The following ZFHX3 variants were observed in gnomAD, a reference collection of about 807,000 sequenced individuals.
ZFHX3 encodes the protein zinc finger homeobox 3, also known as zinc finger homeobox protein 3.
ZFHX3 carries 42 observed loss-of-function variants against 279.1 expected under a neutral mutation model. That is an observed-to-expected ratio of 0.15 (90% CI 0.12 to 0.19). ZFHX3 has a LOEUF of 0.19. ZFHX3 is among the 10% of genes least tolerant of loss of function. ZFHX3 has a pLI of 1.00. For synonymous variants in ZFHX3, 2,293 were observed against 1,957.8 expected, an observed-to-expected ratio of 1.17 and a Z score of -4.52; for missense variants, 4,981 against 4,754.0, an observed-to-expected ratio of 1.05 and a Z score of -1.40.
intron 1 of ZFHX3, among the ~76,000 whole-genome samples, chr16:73,787,538 C>T (rs1959683991): frequency 6.6e-6 from 1 of 152,142 alleles, no homozygotes; most frequent in South Asian, 2.1e-4. Context: ...CCACCATTAA[C>T]AATTTGGGTG....
chr16:73,696,399 A>G (rs1173069043), intron 1 of ZFHX3, among the ~76,000 whole-genome samples: 1 of 152,226 alleles, frequency 6.6e-6, no homozygotes, highest in Non-Finnish European at 1.5e-5. Context: ...CTCATCCTGA[A>G]GCTGGCACTG....
At chr16:73,758,458 G>A (rs536724532) in intron 1 of ZFHX3, among the ~76,000 whole-genome samples, 32 of 152,154 alleles carry the variant, frequency 2.1e-4, no homozygotes, top group Non-Finnish European at 4.4e-4. Flanking sequence ...GGCTTTAATT[G>A]TTTAGTCATT....
chr16:73,237,176 GTGCCATTTTAGTAT>G (rs2012976186), intron 5 of ZFHX3, among the ~76,000 whole-genome samples: 1 of 152,258 alleles, frequency 6.6e-6, no homozygotes, highest in African/African-American at 2.4e-5. Flanking sequence ...TCTTAATCTG[GTGCCATTTTAGTAT>G]TTTTCATAGG....
intron 2 of ZFHX3, among the ~76,000 whole-genome samples, chr16:73,655,207 C>T (rs2052711389): frequency 6.6e-6 from 1 of 152,124 alleles, no homozygotes; most frequent in Non-Finnish European, 1.5e-5. Flanking sequence ...CCTCATTTCG[C>T]ATCTTTGAGA....
At chr16:72,847,358 C>T (rs2037506442) in intron 4 of ZFHX3, among the ~76,000 whole-genome samples, 1 of 152,146 alleles carries the variant, frequency 6.6e-6, no homozygotes, top group South Asian at 2.1e-4. Flanking sequence ...CTGGTGCCAC[C>T]ACCCTGCAGT....
chr16:73,321,403 T>C (rs1304412573), intron 3 of ZFHX3, among the ~76,000 whole-genome samples: 1 of 152,152 alleles, frequency 6.6e-6, no homozygotes, highest in Non-Finnish European at 1.5e-5. Flanking sequence ...CCTCAGGTTG[T>C]TGGGAGATTT....
chr16:73,578,285 C>T (rs2051821642), intron 2 of ZFHX3, among the ~76,000 whole-genome samples: 1 of 150,958 alleles, frequency 6.6e-6, no homozygotes, highest in East Asian at 2.0e-4. Context: ...ATTTAAAAGA[C>T]TTATGGAATC....
chr16:73,473,308 G>A (rs2143607592), intron 2 of ZFHX3, among the ~76,000 whole-genome samples: 1 of 127,010 alleles, frequency 7.9e-6, no homozygotes, highest in Non-Finnish European at 1.6e-5. Flanking sequence ...TGGCACTCCA[G>A]CCCTGGAGAC....
intron 8 of ZFHX3, among the ~76,000 whole-genome samples, chr16:73,089,228 C>G (rs773350441): frequency 6.6e-6 from 1 of 152,048 alleles, no homozygotes; most frequent in Non-Finnish European, 1.5e-5. Flanking sequence ...TTCAGCCTCC[C>G]GAGTAGCTGG....
At chr16:73,362,289 T>C (rs922960958) in intron 3 of ZFHX3, among the ~76,000 whole-genome samples, 1 of 152,106 alleles carries the variant, frequency 6.6e-6, no homozygotes, top group African/African-American at 2.4e-5. Context: ...GCTTCCAGAG[T>C]TCCCCCCATT....
intron 4 of ZFHX3, among the ~76,000 whole-genome samples, chr16:73,271,802 C>T (rs35087835): frequency 0.18 from 26,672 of 152,102 alleles, 5,143 homozygotes; most frequent in African/African-American, 0.48. Flanking sequence ...AACTGCCTTC[C>T]TTCTCTGACA....
At chr16:72,833,894 C>T (rs921368609) in intron 4 of ZFHX3, among the ~76,000 whole-genome samples, 3 of 152,126 alleles carry the variant, frequency 2.0e-5, no homozygotes, top group Admixed American at 6.5e-5. Context: ...ACTGCAGTGT[C>T]TTCCTAGGGT....
At chr16:73,480,539 G>C (rs1356852043) in intron 2 of ZFHX3, among the ~76,000 whole-genome samples, 1 of 152,154 alleles carries the variant, frequency 6.6e-6, no homozygotes, top group Non-Finnish European at 1.5e-5. Flanking sequence ...TTCTCCCCAG[G>C]TGTGGGGATG....
chr16:73,416,830 C>T lies in ZFHX3; in HGVS notation c.-1291+39173G>A, dbSNP rs574718042. 8.0e-5 allele frequency among the ~76,000 whole-genome samples: 12 copies of T among 150,798 alleles called. 1 individual carries two copies. Among genetic ancestry groups the T allele is most frequent in the South Asian group, 2.1e-4 (1 of 4,744 alleles). Reference sequence around the variant, plus strand: ...CGGAGCCTGCAGTGAGCCGAGATCGCGCCACTGCACTCCAGCCTGGGCGAC... The same window carrying T: ...CGGAGCCTGCAGTGAGCCGAGATCGTGCCACTGCACTCCAGCCTGGGCGAC... On this transcript the variant is annotated intron_variant, in intron 3 of 17. Transcript: ENST00000641206.
At chr16:73,803,983 C>A (rs899645977) in intron 1 of ZFHX3, among the ~76,000 whole-genome samples, 2 of 152,000 alleles carry the variant, frequency 1.3e-5, no homozygotes, top group African/African-American at 4.8e-5. Context: ...ATGGCAAAAC[C>A]GCGTCTCTAC....
chr16:73,153,761 T>G (rs866055209), intron 5 of ZFHX3, among the ~76,000 whole-genome samples: 31 of 152,142 alleles, frequency 2.0e-4, no homozygotes, highest in African/African-American at 6.5e-4. Context: ...GCAGTTCTCC[T>G]GCCTCAGCCT....
intron 5 of ZFHX3, among the ~76,000 whole-genome samples, chr16:73,147,823 G>T (rs886763786): frequency 9.9e-5 from 15 of 151,890 alleles, no homozygotes; most frequent in African/African-American, 3.6e-4. Context: ...AGTGAGCCGT[G>T]ATCATGCCAC....
chr16:73,389,463 A>G (rs1333741921), intron 3 of ZFHX3, among the ~76,000 whole-genome samples: 1 of 152,220 alleles, frequency 6.6e-6, no homozygotes, highest in African/African-American at 2.4e-5. Flanking sequence ...CTTAAAAGTG[A>G]TTCATAAACC....
intron 3 of ZFHX3, among the ~76,000 whole-genome samples, chr16:73,398,808 T>A (rs2017184926): frequency 6.6e-6 from 1 of 152,040 alleles, no homozygotes; most frequent in African/African-American, 2.4e-5. Context: ...GTGACCTCCA[T>A]CCACTGTTGC....
Sources: allele counts gnomAD v4.1 joint callset (sites outside exome capture counted in the v4.1 genomes callset), GRCh38; gene constraint gnomAD v4.1.1; transcripts MANE v1.5; gene names NCBI Gene and HGNC (gene_info 2026-07-23, HGNC 2026-07-21).